RBFOX3: variants seen among roughly 807,000 people sequenced by gnomAD.
The protein encoded by RBFOX3 is RNA binding fox-1 homolog 3.
RBFOX3 carries 17 observed loss-of-function variants against 48.7 expected under a neutral mutation model. The observed-to-expected ratio is 0.35, with a 90% CI of 0.24 to 0.52. The LOEUF is 0.52. Among genes scored for constraint, RBFOX3 ranks in the 20% least tolerant of loss-of-function variants. RBFOX3 has a pLI of 0.94. For synonymous variants in RBFOX3, 212 were observed against 209.5 expected (o/e 1.01, Z -0.10); for missense variants, 382 against 497.5 (o/e 0.77, Z 2.21).
intron 2 of RBFOX3, among the ~76,000 whole-genome samples, chr17:79,397,475 AGAG>A (rs2062151118): frequency 6.6e-6 from 1 of 150,896 alleles, no homozygotes; most frequent in Non-Finnish European, 1.5e-5. Flanking sequence ...CCTGGGCAAC[AGAG>A]GAGGACTCCA....
intron 1 of RBFOX3, among the ~76,000 whole-genome samples, chr17:79,485,717 G>T (rs1277909523): frequency 3.3e-5 from 5 of 152,322 alleles, no homozygotes; most frequent in Admixed American, 6.5e-5. Context: ...GGAGACACGA[G>T]CGATCCACAG....
chr17:79,415,336 G>A (rs2065155960), intron 2 of RBFOX3, among the ~76,000 whole-genome samples: 1 of 152,190 alleles, frequency 6.6e-6, no homozygotes, highest in South Asian at 2.1e-4. Context: ...TGAAGTGTGG[G>A]GCTAAATACT....
intron 4 of RBFOX3, among the ~76,000 whole-genome samples, chr17:79,154,608 G>A (rs571573320): frequency 4.6e-5 from 7 of 152,162 alleles, no homozygotes; most frequent in Non-Finnish European, 7.4e-5. Flanking sequence ...CTGCCCAGCC[G>A]GGCATGAGCC....
At chr17:79,290,034 A>G (rs1394098441) in intron 3 of RBFOX3, among the ~76,000 whole-genome samples, 1 of 152,178 alleles carries the variant, frequency 6.6e-6, no homozygotes, top group Non-Finnish European at 1.5e-5. Flanking sequence ...GTGGAGGAGA[A>G]GCAAGATGCC....
Position 79,482,526 on chromosome 17 carries a change from G to T in RBFOX3, c.-247C>A. ...TGGGGCTCCTTCTGGACCGTCCTTG[G>T]CAAGGAGGGGGCTGCTGGGGAGGAG... On this transcript the variant is annotated 5_prime_UTR_variant, in exon 2 of 15. Coordinates refer to ENST00000693108, the MANE Select transcript of RBFOX3 (RefSeq NM_001350451.2). This position sits in a 1 kb window ranked among gnomAD's most constrained non-coding sequence, Gnocchi z 4.1. 6.6e-6 allele frequency: 1 copy of T among 152,418 alleles called. No individual in the cohort carries two copies. The allele number at this position is 152,418 out of a possible 1,614,324, so 9.4% of individuals were successfully genotyped here.
At chr17:79,611,902 A>T (rs2093972562), upstream of RBFOX3, among the ~76,000 whole-genome samples, 1 of 152,174 alleles carries the variant, frequency 6.6e-6, no homozygotes, top group Non-Finnish European at 1.5e-5. Flanking sequence ...ATTTCCCTAA[A>T]ATCAAAAGAT....
chr17:79,134,133 G>A (rs563888558), intron 4 of RBFOX3, among the ~76,000 whole-genome samples: 124 of 152,338 alleles, frequency 8.1e-4, no homozygotes, highest in Non-Finnish European at 1.4e-3. Context: ...GGTCTGGGAC[G>A]TTCCCCTGTC....
At chr17:79,177,476 C>T (rs867990039) in intron 4 of RBFOX3, among the ~76,000 whole-genome samples, 7 of 152,318 alleles carry the variant, frequency 4.6e-5, no homozygotes, top group African/African-American at 1.7e-4. Flanking sequence ...GCAGCGTTCT[C>T]CCCTGCCCTC....
chr17:79,620,597 ACG>A, the RBFOX3 span, among the ~76,000 whole-genome samples: 1 of 144,032 alleles, frequency 6.9e-6, no homozygotes, highest in African/African-American at 2.6e-5. Flanking sequence ...ACACACACGC[ACG>A]CACGCACACA....
intron 3 of RBFOX3, among the ~76,000 whole-genome samples, chr17:79,264,975 G>T (rs1024584036): frequency 1.3e-5 from 2 of 151,878 alleles, no homozygotes; most frequent in South Asian, 2.1e-4. Context: ...AGGGGGGGGG[G>T]GCGCAGATTT....
chr17:79,286,575 G>T (rs1013884022), intron 3 of RBFOX3, among the ~76,000 whole-genome samples: 2 of 152,220 alleles, frequency 1.3e-5, no homozygotes, highest in African/African-American at 4.8e-5. Flanking sequence ...GCTTCCTCCT[G>T]ATATGTGACA....
At chr17:79,406,131 A>G (rs745622265) in intron 2 of RBFOX3, among the ~76,000 whole-genome samples, 4 of 152,176 alleles carry the variant, frequency 2.6e-5, no homozygotes, top group Non-Finnish European at 5.9e-5. Context: ...GCTCTTGTGA[A>G]CAGAGCTGTT....
At chr17:79,149,117 G>A (rs1599677618) in intron 4 of RBFOX3, among the ~76,000 whole-genome samples, 2 of 152,228 alleles carry the variant, frequency 1.3e-5, no homozygotes, top group East Asian at 3.8e-4. Context: ...AGGGCATGGA[G>A]GCTCCCGCAG....
Position 79,252,098 on chromosome 17 carries a change from G to GCCCACACCCTCCTGGTCTCC in RBFOX3, c.-73-16313_-73-16294dup, listed in dbSNP as rs2064051118. On this transcript the variant is annotated intron_variant, in intron 3 of 14. Coordinates refer to ENST00000693108, the MANE Select transcript of RBFOX3 (RefSeq NM_001350451.2). This position sits in a 1 kb window ranked among gnomAD's most constrained non-coding sequence, Gnocchi z 4.0. ...TGGAAGCACACTTTGTCCTGGGCTG[G>GCCCACACCCTCCTGGTCTCC]CCCACACCCTCCTGGTCTCCCCATG... Among the ~76,000 whole-genome samples, 1 of 152,160 alleles carries GCCCACACCCTCCTGGTCTCC rather than the reference G, an allele frequency of 6.6e-6. No individual in the cohort carries two copies. Among genetic ancestry groups the GCCCACACCCTCCTGGTCTCC allele is most frequent in the South Asian group, 2.1e-4 (1 of 4,820 alleles).
At chr17:79,567,510 TATTTC>T (rs1482172681) in intron 1 of RBFOX3, among the ~76,000 whole-genome samples, 1 of 152,214 alleles carries the variant, frequency 6.6e-6, no homozygotes, top group African/African-American at 2.4e-5. Flanking sequence ...GTGCCTGGCT[TATTTC>T]ATTTAACATG....
At chr17:79,322,487 G>C (rs1185429419) in intron 2 of RBFOX3, among the ~76,000 whole-genome samples, 2 of 152,202 alleles carry the variant, frequency 1.3e-5, no homozygotes, top group Non-Finnish European at 2.9e-5. Flanking sequence ...TCCATGTCAA[G>C]TGTAACAGAT....
intron 4 of RBFOX3, among the ~76,000 whole-genome samples, chr17:79,143,669 G>T (rs1342711873): frequency 3.3e-5 from 5 of 152,144 alleles, no homozygotes; most frequent in Non-Finnish European, 7.4e-5. Context: ...GCTCCCTAGG[G>T]ACAGGAACGG....
At chr17:79,508,090 C>T (rs1452283043) in intron 1 of RBFOX3, among the ~76,000 whole-genome samples, 1 of 152,218 alleles carries the variant, frequency 6.6e-6, no homozygotes, top group Non-Finnish European at 1.5e-5. Flanking sequence ...TGCCTGGTAA[C>T]ATGGAAAACA....
chr17:79,127,211 G>A (rs1467335079), intron 4 of RBFOX3, among the ~76,000 whole-genome samples: 1 of 152,190 alleles, frequency 6.6e-6, no homozygotes, highest in Non-Finnish European at 1.5e-5. Flanking sequence ...CCTTCCTGAG[G>A]GGCTGGGAGC....
Sources: gnomAD v4.1 joint callset for allele counts (sites outside exome capture counted in the v4.1 genomes callset) on GRCh38, gnomAD v4.1.1 for gene constraint, Gnocchi (gnomAD v3.1) non-coding constraint, MANE v1.5 for transcripts, NCBI Gene and HGNC (gene_info 2026-07-23, HGNC 2026-07-21) for gene names.